SPAG16: variants seen among roughly 807,000 people sequenced by gnomAD.
The protein encoded by SPAG16 is sperm-associated antigen 16 protein.
In SPAG16, 86 loss-of-function variants were observed where a neutral mutation model predicts 80.4. The ratio of observed to expected loss-of-function variants is 1.07; its 90% CI spans 0.90 to 1.28. The LOEUF (loss-of-function observed/expected upper bound fraction) is 1.28, where lower values mean the gene tolerates loss of function less well. Among genes scored for constraint, SPAG16 ranks in the 50% most tolerant of loss-of-function variants. SPAG16 has a pLI of 0.00. For missense variants in SPAG16, 870 were observed against 765.3 expected, an observed-to-expected ratio of 1.14 and a Z score of -1.61; for synonymous variants, 294 against 265.9, an observed-to-expected ratio of 1.11 and a Z score of -1.03.
intron 13 of SPAG16, among the ~76,000 whole-genome samples, chr2:214,081,434 G>A (rs2051388500): frequency 6.6e-6 from 1 of 152,104 alleles, no homozygotes; most frequent in Non-Finnish European, 1.5e-5. Context: ...CTGAAGTAGG[G>A]GGAGCCCTAA....
At chr2:213,653,105 G>A (rs539317279) in intron 10 of SPAG16, among the ~76,000 whole-genome samples, 3,800 of 126,150 alleles carry the variant, frequency 0.03, 67 homozygotes, top group Middle Eastern at 0.1. Context: ...GCATCACTGG[G>A]TCAAAGAAGT....
chr2:213,349,894 G>T (rs1010861813), intron 6 of SPAG16, among the ~76,000 whole-genome samples: 1 of 151,946 alleles, frequency 6.6e-6, no homozygotes, highest in Admixed American at 6.6e-5. Context: ...ATACTACTTG[G>T]GTGTGCATTT....
chr2:213,716,086 C>T (rs1232422050), intron 10 of SPAG16, among the ~76,000 whole-genome samples: 1 of 151,950 alleles, frequency 6.6e-6, no homozygotes, highest in African/African-American at 2.4e-5. Context: ...TTACATATGA[C>T]CTCTAATTTG....
At chr2:213,507,947 C>T (rs1018541979) in intron 10 of SPAG16, among the ~76,000 whole-genome samples, 2 of 152,188 alleles carry the variant, frequency 1.3e-5, no homozygotes, top group Non-Finnish European at 2.9e-5. Context: ...GTAGATTACT[C>T]ATTTGACTGG....
At chr2:213,455,285 A>G (rs1466189418) in intron 9 of SPAG16, among the ~76,000 whole-genome samples, 1 of 152,190 alleles carries the variant, frequency 6.6e-6, no homozygotes, top group East Asian at 1.9e-4. Context: ...TTCAAAATTC[A>G]TTTTGAAACA....
At chr2:214,037,839 G>A (rs984624796) in intron 13 of SPAG16, among the ~76,000 whole-genome samples, 2 of 145,020 alleles carry the variant, frequency 1.4e-5, no homozygotes, top group Non-Finnish European at 3.0e-5. Context: ...TATTGCCTTT[G>A]CTCTGTTATT....
At chr2:213,800,013 A>G (rs369350317) in intron 10 of SPAG16, among the ~76,000 whole-genome samples, 2 of 151,050 alleles carry the variant, frequency 1.3e-5, no homozygotes, top group East Asian at 1.9e-4. Context: ...TGTCTGTTTT[A>G]CTGTCTTTTA....
chr2:213,340,099 A>C, intron 5 of SPAG16, 64 bp from the exon 6 acceptor site: 1 of 1,046,756 alleles, frequency 9.6e-7, no homozygotes, highest in Non-Finnish European at 1.4e-6. Context: ...ATTTGAACTC[A>C]AGACTAAATA....
intron 10 of SPAG16, among the ~76,000 whole-genome samples, chr2:213,679,072 G>A (rs1275186697): frequency 2.6e-5 from 4 of 152,106 alleles, no homozygotes; most frequent in Admixed American, 2.6e-4. Flanking sequence ...CCTTAACGAA[G>A]GACACCTTCT....
chr2:214,087,414 A>T (rs16851432), intron 13 of SPAG16, among the ~76,000 whole-genome samples: 2,665 of 152,286 alleles, frequency 0.018, 41 homozygotes, highest in South Asian at 0.033. Context: ...GATATGGATT[A>T]TGTTAATTCA....
intron 10 of SPAG16, among the ~76,000 whole-genome samples, chr2:213,625,193 T>A (rs1379529540): frequency 6.6e-6 from 1 of 152,076 alleles, no homozygotes; most frequent in Non-Finnish European, 1.5e-5. Context: ...TGAGATTGGG[T>A]AATTGACAAA....
At chr2:214,380,211 A>G (rs1442589401) in intron 15 of SPAG16, among the ~76,000 whole-genome samples, 1 of 152,226 alleles carries the variant, frequency 6.6e-6, no homozygotes, top group African/African-American at 2.4e-5. Flanking sequence ...CCTTTAAAAC[A>G]GTGCAAATTT....
At chr2:213,300,902 G>T (rs1315676128) in intron 3 of SPAG16, among the ~76,000 whole-genome samples, 2 of 151,962 alleles carry the variant, frequency 1.3e-5, no homozygotes, top group Admixed American at 6.6e-5. Context: ...TTTCAAATAT[G>T]TTAAGAATTA....
At chr2:213,759,719 G>C (rs939179074) in intron 10 of SPAG16, among the ~76,000 whole-genome samples, 1 of 152,030 alleles carries the variant, frequency 6.6e-6, no homozygotes, top group African/African-American at 2.4e-5. Context: ...AGGAAATGTA[G>C]GGAAACATCT....
At chr2:213,619,407 A>C (rs2061699261) in intron 10 of SPAG16, among the ~76,000 whole-genome samples, 1 of 152,208 alleles carries the variant, frequency 6.6e-6, no homozygotes, top group Non-Finnish European at 1.5e-5. Flanking sequence ...TTTGCAAATT[A>C]TTCATCTGAA....
rs544386602 is a variant in SPAG16, at chr2:214,176,235, G to A, written c.1720+26969G>A. Among the ~76,000 whole-genome samples the A allele has an allele frequency of 6.0e-5, 9 of 150,846 alleles. No homozygotes were observed. In the East Asian group the frequency reaches 1.8e-3, roughly 30 times the overall value. ...ATGGATCCAAATGAACAATATCTAA[G>A]TAGATAAATGTTAAGATACTGTAAA... is the stretch of plus-strand genomic sequence containing the variant. On this transcript the variant is annotated intron_variant, in intron 15 of 15. Transcript: ENST00000331683.
chr2:213,714,204 C>G (rs573328827), intron 10 of SPAG16, among the ~76,000 whole-genome samples: 1 of 152,156 alleles, frequency 6.6e-6, no homozygotes. Context: ...ACAAACAACT[C>G]GAGGACAATA....
chr2:214,117,337 TAAAGAAG>T (rs1248806926), intron 14 of SPAG16, among the ~76,000 whole-genome samples: 22 of 152,052 alleles, frequency 1.4e-4, no homozygotes, highest in African/African-American at 4.8e-4. Context: ...AGAATAAAAA[TAAAGAAG>T]TTACAGGATC....
chr2:213,371,274 GC>G (rs1470956468), intron 8 of SPAG16, among the ~76,000 whole-genome samples: 1 of 151,628 alleles, frequency 6.6e-6, no homozygotes, highest in African/African-American at 2.4e-5. Flanking sequence ...GCATGATGGT[GC>G]GTGCCTGTAA....
Sources: gnomAD v4.1 joint callset for allele counts (sites outside exome capture counted in the v4.1 genomes callset) on GRCh38, gnomAD v4.1.1 for gene constraint, MANE v1.5 for transcripts, NCBI Gene and HGNC (gene_info 2026-07-23, HGNC 2026-07-21) for gene names.